The following ADGRD1 variants were observed in gnomAD, a reference collection of about 807,000 sequenced individuals.
The protein encoded by ADGRD1 is adhesion G protein-coupled receptor D1, also known as G-protein coupled receptor 133.
In ADGRD1, 77 loss-of-function variants were observed where a neutral mutation model predicts 113.4. That is an observed-to-expected ratio of 0.68 (90% CI 0.57 to 0.82). The LOEUF is 0.82. ADGRD1 is among the 40% of genes least tolerant of loss of function. The pLI is 0.00. For synonymous variants in ADGRD1, 474 were observed against 475.0 expected, an observed-to-expected ratio of 1.00 and a Z score of 0.03; for missense variants, 1,036 against 1,139.1, an observed-to-expected ratio of 0.91 and a Z score of 1.30.
chr12:131,034,264 ACAT>A (rs796903487), intron 13 of ADGRD1, among the ~76,000 whole-genome samples: 9 of 152,144 alleles, frequency 5.9e-5, no homozygotes, highest in African/African-American at 2.2e-4. Flanking sequence ...GCTCTGCGCC[ACAT>A]CAAGTGCATT....
intron 20 of ADGRD1, among the ~76,000 whole-genome samples, chr12:131,127,753 T>G (rs111728432): frequency 9.5e-5 from 7 of 73,700 alleles, no homozygotes; most frequent in Admixed American, 1.4e-4. Flanking sequence ...TGTGGTGGGA[T>G]TCTGAGCTCA....
At chr12:130,997,424 G>A (rs1314562052) in intron 8 of ADGRD1, among the ~76,000 whole-genome samples, 6 of 145,712 alleles carry the variant, frequency 4.1e-5, no homozygotes, top group African/African-American at 7.7e-5. Context: ...GCTGCCGGGC[G>A]GAGGGGCTCC....
chr12:131,129,404 T>C lies in ADGRD1; in HGVS notation c.2176-2321T>C, dbSNP rs1308996163. Among the ~76,000 whole-genome samples the C allele has an allele frequency of 1.5e-5, 2 of 136,722 alleles. 1 individual carries two copies. Among genetic ancestry groups the C allele is most frequent in the African/African-American group, 5.4e-5 (2 of 36,976 alleles). 89.7% of individuals were successfully genotyped at this position (136,722 alleles called of 152,430 possible). ...GGTGTGAGTGACAGGCCCGCCCTGCTGTCTGGGTGTGAGTGACAGGCCCGC... is the reference window on the plus strand; with the variant it reads ...GGTGTGAGTGACAGGCCCGCCCTGCCGTCTGGGTGTGAGTGACAGGCCCGC... On this transcript the variant is annotated intron_variant, in intron 20 of 24. Transcript: ENST00000261654.
chr12:131,067,543 G>A (rs1884815748), intron 13 of ADGRD1, among the ~76,000 whole-genome samples: 1 of 146,576 alleles, frequency 6.8e-6, no homozygotes, highest in Admixed American at 6.7e-5. Context: ...TTCTGAGCAG[G>A]GGCTGCCCTC....
intron 13 of ADGRD1, among the ~76,000 whole-genome samples, chr12:131,018,293 T>A (rs1878881380): frequency 6.6e-6 from 1 of 152,168 alleles, no homozygotes; most frequent in South Asian, 2.1e-4. Flanking sequence ...GAGGCCCGCA[T>A]TCTCCCAGGT....
intron 13 of ADGRD1, among the ~76,000 whole-genome samples, chr12:131,033,302 G>A (rs929681608): frequency 3.3e-5 from 5 of 152,320 alleles, no homozygotes; most frequent in Admixed American, 3.3e-4. Context: ...GGCCGGAGGG[G>A]TTTCTAGAGC....
chr12:131,117,344 A>G (rs1208393580), intron 18 of ADGRD1, among the ~76,000 whole-genome samples: 1 of 152,240 alleles, frequency 6.6e-6, no homozygotes, highest in African/African-American at 2.4e-5. Context: ...AGGGAATGTG[A>G]TGGCTCATAT....
chr12:131,044,741 T>C (rs1236682206), intron 13 of ADGRD1, among the ~76,000 whole-genome samples: 1 of 152,210 alleles, frequency 6.6e-6, no homozygotes, highest in East Asian at 1.9e-4. Flanking sequence ...CGAGTTTCTT[T>C]TTACACACAC....
At position 130,963,145 on chromosome 12, in the gene ADGRD1, C is replaced by T. The variant is rs1052695473; in HGVS notation, c.104-3318C>T. The T allele has an allele frequency of 2.6e-5, 4 of 151,854 alleles. No homozygotes were observed. The East Asian group carries it at 7.7e-4, about 29-fold the overall frequency. 9.4% of individuals were successfully genotyped at this position (151,854 alleles called of 1,614,324 possible). A position where few individuals can be genotyped will look rare whatever the true frequency, so the allele number is the denominator to read the frequency against. On this transcript the variant is annotated intron_variant, in intron 2 of 24. Coordinates refer to ENST00000261654, the MANE Select transcript of ADGRD1 (RefSeq NM_198827.5). Reference sequence around the variant, plus strand: ...ACCATGCTGGCTAACACAGTGAAACCCCATCTCTACTACAAATACAAAAAA... The same window carrying T: ...ACCATGCTGGCTAACACAGTGAAACTCCATCTCTACTACAAATACAAAAAA...
At chr12:130,983,209 T>C (rs1873228193) in intron 5 of ADGRD1, among the ~76,000 whole-genome samples, 1 of 152,172 alleles carries the variant, frequency 6.6e-6, no homozygotes, top group African/African-American at 2.4e-5. Context: ...CTAAGTGGGC[T>C]GCTAGGCATA....
At chr12:130,997,384 G>A (rs1285839482) in intron 8 of ADGRD1, among the ~76,000 whole-genome samples, 2 of 113,336 alleles carry the variant, frequency 1.8e-5, no homozygotes, top group African/African-American at 3.6e-5. Flanking sequence ...GCTGCCGGGC[G>A]GAGGGGCTCC....
rs73475018 is a variant in ADGRD1, at chr12:131,016,328, G to A, written c.1473+1988G>A. On this transcript the variant is annotated intron_variant, in intron 13 of 24. Coordinates refer to ENST00000261654, the MANE Select transcript of ADGRD1 (RefSeq NM_198827.5). ...CTGCCCGCAGTGGCCTTGGCACTGC[G>A]TGGAGGCTCAGGAGACGCTTGCTGA... Among the ~76,000 whole-genome samples, 1,205 of 152,364 alleles carry A rather than the reference G, an allele frequency of 7.9e-3. 10 individuals carry two copies. The highest frequency in any genetic ancestry group is 0.028 in the African/African-American group (1,154 of 41,582).
chr12:131,015,635 G>GATGGAGTTGGAGATGGAA (rs1878480842), intron 13 of ADGRD1, among the ~76,000 whole-genome samples: 2 of 151,956 alleles, frequency 1.3e-5, no homozygotes, highest in Non-Finnish European at 2.9e-5. Context: ...TGGAGATGGA[G>GATGGAGTTGGAGATGGAA]ATGGGAATGG....
chr12:131,040,164 C>G (rs958763792), intron 13 of ADGRD1, among the ~76,000 whole-genome samples: 1 of 152,182 alleles, frequency 6.6e-6, no homozygotes, highest in Admixed American at 6.5e-5. Flanking sequence ...TCCCAGGAGT[C>G]TGGAGGAGAT....
At chr12:130,963,952 G>C (rs570161622) in intron 2 of ADGRD1, among the ~76,000 whole-genome samples, 28 of 152,276 alleles carry the variant, frequency 1.8e-4, no homozygotes, top group Admixed American at 1.6e-3. Flanking sequence ...CTAACTTTTT[G>C]CTTGCCAGTC....
intron 15 of ADGRD1, among the ~76,000 whole-genome samples, chr12:131,095,837 G>A (rs1306676939): frequency 6.6e-6 from 1 of 152,240 alleles, no homozygotes; most frequent in Non-Finnish European, 1.5e-5. Context: ...TGGGACAGGA[G>A]CTCGAGGGTT....
intron 22 of ADGRD1, 105 bp downstream of exon 22, chr12:131,136,268 C>A: frequency 7.2e-7 from 1 of 1,386,726 alleles, no homozygotes; most frequent in Non-Finnish European, 9.9e-7. Flanking sequence ...GCCCTCCCGG[C>A]CACACCTTAG....
At chr12:131,128,902 CG>C in intron 20 of ADGRD1, among the ~76,000 whole-genome samples, 1 of 150,690 alleles carries the variant, frequency 6.6e-6, no homozygotes, top group South Asian at 2.1e-4. Context: ...AGTGACAGGC[CG>C]GCCCTGCTGT....
At chr12:130,987,964 C>CA (rs1466203461) in intron 6 of ADGRD1, 2 of 155,886 alleles carry the variant, frequency 1.3e-5, no homozygotes, top group Non-Finnish European at 2.9e-5. Context: ...TTCATCCCCC[C>CA]AAAAGGAAAC....
Sources: gnomAD v4.1 joint callset for allele counts (sites outside exome capture counted in the v4.1 genomes callset) on GRCh38, gnomAD v4.1.1 for gene constraint, MANE v1.5 for transcripts, NCBI Gene and HGNC (gene_info 2026-07-23, HGNC 2026-07-21) for gene names.